Variants in GALK2 observed in about 807,000 individuals in gnomAD.
The protein encoded by GALK2 is N-acetylgalactosamine kinase.
In GALK2, 36 loss-of-function variants were observed where a neutral mutation model predicts 52.4. That is an observed-to-expected ratio of 0.69 (90% CI 0.53 to 0.91). The LOEUF (loss-of-function observed/expected upper bound fraction) is 0.91, where lower values mean the gene tolerates loss of function less well. GALK2 is among the 40% of genes least tolerant of loss of function. GALK2 has a pLI of 0.00. For missense variants in GALK2, 579 were observed against 559.1 expected (o/e 1.04, Z -0.36); for synonymous variants, 176 against 199.1 (o/e 0.88, Z 0.98).
At chr15:49,287,644 G>A (rs2141797909) in intron 7 of GALK2, among the ~76,000 whole-genome samples, 1 of 152,204 alleles carries the variant, frequency 6.6e-6, no homozygotes, top group East Asian at 1.9e-4. Flanking sequence ...ATCTCAATCT[G>A]ACCAAACTTT....
At chr15:49,325,141 G>C (rs1370333457) in intron 9 of GALK2, among the ~76,000 whole-genome samples, 2 of 152,080 alleles carry the variant, frequency 1.3e-5, no homozygotes, top group Non-Finnish European at 2.9e-5. Flanking sequence ...GGCTATATTG[G>C]GTGCCTGGAT....
At chr15:49,354,223 A>T (rs1488379328) in intron 3 of GALK2, among the ~76,000 whole-genome samples, 1 of 152,186 alleles carries the variant, frequency 6.6e-6, no homozygotes, top group Non-Finnish European at 1.5e-5. Context: ...ATGTTTAAAA[A>T]GTCTGTGTAT....
chr15:49,316,033 A>G (rs551916893), intron 8 of GALK2, among the ~76,000 whole-genome samples: 1 of 152,340 alleles, frequency 6.6e-6, no homozygotes, highest in South Asian at 2.1e-4. Flanking sequence ...ATTACAGGAT[A>G]TGGCCCTAAA....
intron 5 of GALK2, among the ~76,000 whole-genome samples, chr15:49,248,285 A>C (rs1264658948): frequency 6.6e-6 from 1 of 152,238 alleles, no homozygotes. Flanking sequence ...ACCAATTTGC[A>C]CTGTCACTAA....
chr15:49,294,766 C>T (rs2034304286), intron 8 of GALK2, among the ~76,000 whole-genome samples: 1 of 152,002 alleles, frequency 6.6e-6, no homozygotes, highest in Admixed American at 6.6e-5. Context: ...TTATCAAGAA[C>T]CCTAAGAGTA....
intron 8 of GALK2, among the ~76,000 whole-genome samples, chr15:49,305,453 A>G (rs1293384954): frequency 6.6e-6 from 1 of 152,178 alleles, no homozygotes; most frequent in African/African-American, 2.4e-5. Flanking sequence ...AGAATGGGAG[A>G]GACCACAAAG....
chr15:49,365,432 AG>A, intron 3 of GALK2: 1 of 945,706 alleles, frequency 1.1e-6, no homozygotes, highest in South Asian at 1.3e-5. Flanking sequence ...CGCAAGCAAC[AG>A]GCCTGTACAA....
intron 4 of GALK2, among the ~76,000 whole-genome samples, chr15:49,237,790 G>A (rs1310348018): frequency 1.3e-5 from 2 of 151,920 alleles, no homozygotes; most frequent in Non-Finnish European, 2.9e-5. Flanking sequence ...GTTCTTAAGT[G>A]TGATTCCCAC....
At position 49,293,377 on chromosome 15, in the gene GALK2, A is replaced by G. The variant is rs2034136154; in HGVS notation, c.967+840A>G. 2.0e-5 allele frequency among the ~76,000 whole-genome samples: 3 copies of G among 152,260 alleles called. No individual in the cohort carries two copies. The South Asian group carries it at 6.2e-4, about 31-fold the overall frequency. On this transcript the variant is annotated intron_variant, in intron 8 of 9. Coordinates refer to ENST00000560031, the MANE Select transcript of GALK2 (RefSeq NM_002044.4). Reference sequence around the variant, plus strand: ...TTTAGTTTCTAACACTGTCGATCCAATTTAATTTGATGAAGCTTGATTGAG... The same window carrying G: ...TTTAGTTTCTAACACTGTCGATCCAGTTTAATTTGATGAAGCTTGATTGAG...
At chr15:49,354,236 G>C (rs2042694497) in intron 3 of GALK2, among the ~76,000 whole-genome samples, 1 of 152,200 alleles carries the variant, frequency 6.6e-6, no homozygotes, top group Non-Finnish European at 1.5e-5. Flanking sequence ...CTGTGTATGG[G>C]GAGGAGCCAA....
At chr15:49,219,950 A>G (rs144530138) in intron 3 of GALK2, among the ~76,000 whole-genome samples, 2 of 152,146 alleles carry the variant, frequency 1.3e-5, no homozygotes, top group East Asian at 3.9e-4. Flanking sequence ...TCTCTGATTA[A>G]TGATGTTGAA....
chr15:49,178,844 T>C (rs1413247075), intron 1 of GALK2: 1 of 173,570 alleles, frequency 5.8e-6, no homozygotes, highest in East Asian at 1.5e-4. Flanking sequence ...TTCTGAGTGC[T>C]ATTACGGTTG....
At chr15:49,252,281 C>T (rs2091642019) in intron 5 of GALK2, among the ~76,000 whole-genome samples, 1 of 151,772 alleles carries the variant, frequency 6.6e-6, no homozygotes, top group Admixed American at 6.6e-5. Context: ...AAAAATTATA[C>T]ACACACACAC....
chr15:49,274,615 T>A lies in GALK2; in HGVS notation c.505-7372T>A, dbSNP rs923895430. On this transcript the variant is annotated intron_variant, in intron 5 of 9. Transcript: ENST00000560031. ...TAAACTAACCTTAGCTTGCTGTAAC[T>A]TTCTTACTTTATAAACTTAAAATTA... Among the ~76,000 whole-genome samples the A allele has an allele frequency of 5.9e-5, 9 of 152,332 alleles. 1 individual carries two copies. The highest frequency in any genetic ancestry group is 2.2e-4 in the African/African-American group (9 of 41,572).
chr15:49,167,266 A>G (rs374980099), upstream of GALK2, among the ~76,000 whole-genome samples: 4 of 152,332 alleles, frequency 2.6e-5, no homozygotes, highest in South Asian at 2.1e-4. Flanking sequence ...TTCTAAACCT[A>G]TTGTAAGAGT....
chr15:49,365,898 G>A (rs1463878547), intron 3 of GALK2: 2 of 962,142 alleles, frequency 2.1e-6, no homozygotes, highest in East Asian at 4.8e-5. Context: ...CAGCAAGAGA[G>A]TTGTACAGAC....
intron 5 of GALK2, among the ~76,000 whole-genome samples, chr15:49,266,724 A>C (rs2092374876): frequency 6.6e-6 from 1 of 152,154 alleles, no homozygotes; most frequent in African/African-American, 2.4e-5. Flanking sequence ...TGGATCTATG[A>C]ATGGTGATAA....
At chr15:49,198,601 T>TA (rs942735169) in intron 1 of GALK2, among the ~76,000 whole-genome samples, 29 of 152,166 alleles carry the variant, frequency 1.9e-4, no homozygotes, top group African/African-American at 5.3e-4. Flanking sequence ...TACTATAACT[T>TA]AAAAAAAATC....
chr15:49,246,574 G>T (rs1372238226), intron 5 of GALK2, among the ~76,000 whole-genome samples: 1 of 152,156 alleles, frequency 6.6e-6, no homozygotes, highest in Non-Finnish European at 1.5e-5. Flanking sequence ...GGGAATAGTG[G>T]GGTAGGGGAG....
Sources: allele counts gnomAD v4.1 joint callset (sites outside exome capture counted in the v4.1 genomes callset), GRCh38; gene constraint gnomAD v4.1.1; transcripts MANE v1.5; gene names NCBI Gene and HGNC (gene_info 2026-07-23, HGNC 2026-07-21).